SIGLEC1: variants seen among roughly 807,000 people sequenced by gnomAD.
SIGLEC1 encodes sialic acid binding Ig like lectin 1, also known as sialoadhesin.
SIGLEC1 carries 132 observed loss-of-function variants against 148.0 expected under a neutral mutation model. That is an observed-to-expected ratio of 0.89 (90% CI 0.77 to 1.03). The LOEUF (loss-of-function observed/expected upper bound fraction) is 1.03. Among genes scored for constraint, SIGLEC1 ranks in the 50% least tolerant of loss-of-function variants. SIGLEC1 has a pLI of 0.00. For synonymous variants in SIGLEC1, 945 were observed against 969.0 expected, an observed-to-expected ratio of 0.98 and a Z score of 0.46; for missense variants, 2,253 against 2,271.4, an observed-to-expected ratio of 0.99 and a Z score of 0.16.
In SIGLEC1 at chr20:3,694,410, G is replaced by T; in HGVS notation, c.3067C>A (p.Leu1023Ile). The change falls in exon 13 of 22, where the codon CTT becomes ATT. Residue 1023 changes from leucine to isoleucine, a missense_variant. Coordinates refer to ENST00000344754, the MANE Select transcript of SIGLEC1 (RefSeq NM_023068.4). The stretch of plus-strand genomic sequence containing the variant: ...ACACCTTGTAGGGTGGAGGCCACAA[G>T]GCGATCCCCGTGGAGCAGCCGCAGC... ...AQLRLLHGDR[L>I]VASTLQGVGG... 1 of 1,612,910 alleles carries T rather than the reference G, an allele frequency of 6.2e-7. No individual in the cohort carries two copies. Among genetic ancestry groups the T allele is most frequent in the Non-Finnish European group, 8.5e-7 (1 of 1,179,632 alleles).
rs749070024 is a variant in SIGLEC1, at chr20:3,701,349, A to G, written c.1521T>C (p.His507=). 6.2e-7 allele frequency: 1 copy of G among 1,607,778 alleles called. No individual in the cohort carries two copies. The part of the protein sequence containing the change: ...LGNATSTLDF[H]ANAARLLISP... ...TGCCAGTGCCCATCTTACCATTGGC[A>G]TGGAAGTCCAGGGTGGAGGTTGCAT... The change falls in exon 7 of 22, where the codon CAT becomes CAC. Residue 507 remains histidine (H), a synonymous_variant. Coordinates refer to ENST00000344754, the MANE Select transcript of SIGLEC1 (RefSeq NM_023068.4).
intron 21 of SIGLEC1, 24 bp from the exon 22 acceptor site, chr20:3,688,643 C>A: frequency 1.3e-6 from 2 of 1,564,960 alleles, no homozygotes; most frequent in South Asian, 2.4e-5. Flanking sequence ...AAACCCTGGT[C>A]ACAGGAGGCC....
chr20:3,692,199 G>A lies in SIGLEC1; in HGVS notation c.4034C>T (p.Ala1345Val). The A allele has an allele frequency of 6.5e-7, 1 of 1,539,436 alleles. No homozygotes were observed. The highest frequency in any genetic ancestry group is 8.7e-7 in the Non-Finnish European group (1 of 1,143,622). Residue 1345 changes from alanine to valine, a missense_variant, in exon 17 of 22, where the codon GCC (alanine) becomes GTC (valine). Ala to Val is a moderately conservative substitution (Grantham distance 64, BLOSUM62 0). Transcript: ENST00000344754. ...SRPAALQVLY[A>V]PQDAVLSSFR... ...GGAGGACAGGACAGCGTCCTGAGGGGCATCTGTGGGCAGGCAGGGCACAGA... is the reference window on the plus strand; with the variant it reads ...GGAGGACAGGACAGCGTCCTGAGGGACATCTGTGGGCAGGCAGGGCACAGA...
At position 3,701,640 on chromosome 20, in the gene SIGLEC1, G is replaced by T. The variant is rs780228833; in HGVS notation, c.1230C>A (p.His410Gln). The T allele has an allele frequency of 6.4e-7, 1 of 1,557,028 alleles. No individual in the cohort carries two copies. Among genetic ancestry groups the T allele is most frequent in the South Asian group, 1.2e-5 (1 of 82,172 alleles). ...RSGPVSVVVN[H>Q]PPLTPVLTAF... ...CTGTCAGGACTGGAGTGAGAGGCGG[G>T]TCTGTGTGGAGACGAGAGGTGGGCC... The change falls in exon 7 of 22, where the codon CAC becomes CAA. Residue 410 changes from histidine to glutamine, a missense_variant and splice_region_variant. By Grantham distance (24) the His-to-Gln change is conservative. Coordinates refer to ENST00000344754, the MANE Select transcript of SIGLEC1 (RefSeq NM_023068.4).
Position 3,704,010 on chromosome 20 carries a change from T to C in SIGLEC1, c.788A>G (p.Gln263Arg), listed in dbSNP as rs200776920. ...LPGELVTLTC[Q>R]VNSSYPAVSS... ...GACTGCAGGGTAGCTGCTGTTCACCTGGCAGGTGAGTGTGACCAGCTCACC... is the reference window on the plus strand; with the variant it reads ...GACTGCAGGGTAGCTGCTGTTCACCCGGCAGGTGAGTGTGACCAGCTCACC... The change falls in exon 5 of 22, where the codon CAG (glutamine) becomes CGG (arginine). Residue 263 changes from glutamine (Q) to arginine (R), a missense_variant. By Grantham distance (43) the Gln-to-Arg change is conservative. Transcript: ENST00000344754. 1.4e-4 allele frequency: 220 copies of C among 1,613,304 alleles called. 1 individual carries two copies. In the Middle Eastern group the frequency reaches 2.5e-3, roughly 18 times the overall value.
Position 3,693,663 on chromosome 20 carries a change from G to A in SIGLEC1, c.3292C>T (p.Arg1098Trp), listed in dbSNP as rs767323720. 27 of 1,605,184 alleles carry A rather than the reference G, an allele frequency of 1.7e-5. No homozygotes were observed. The highest frequency in any genetic ancestry group is 9.4e-5 in the African/African-American group (7 of 74,834). ...NVQVWPGATV[R>W]EGQLVNLTCL... ...GTCAGGTTCACCAGCTGCCCCTCCC[G>A]CACGGTAGCCCCGGGCCACACCTGC... Residue 1098 changes from arginine to tryptophan, a missense_variant, in exon 14 of 22, where the codon CGG (arginine) becomes TGG (tryptophan). Arg to Trp is a moderately radical substitution (Grantham distance 101). Coordinates refer to ENST00000344754, the MANE Select transcript of SIGLEC1 (RefSeq NM_023068.4).
rs759516623 is a variant in SIGLEC1, at chr20:3,705,936, T to C, written c.514A>G (p.Arg172Gly). 2 of 1,614,142 alleles carry C rather than the reference T, an allele frequency of 1.2e-6. No individual in the cohort carries two copies. Among genetic ancestry groups the C allele is most frequent in the African/African-American group, 2.7e-5 (2 of 75,074 alleles). The change falls in exon 4 of 22, where the codon AGA becomes GGA. Residue 172 changes from arginine to glycine, a missense_variant. Physicochemically the swap from Arg to Gly is moderately radical, Grantham distance 125. Coordinates refer to ENST00000344754, the MANE Select transcript of SIGLEC1 (RefSeq NM_023068.4). ...GGGTCCTGGCCTTGCCACTGCAGTCTGACCTGCTCCTGCAGGCATACGTAG... is the reference window on the plus strand; with the variant it reads ...GGGTCCTGGCCTTGCCACTGCAGTCCGACCTGCTCCTGCAGGCATACGTAG... ...TPYVCLQEQVRLQWQGQDPAR... is the reference protein window; with the variant it reads ...TPYVCLQEQVGLQWQGQDPAR...
At position 3,697,457 on chromosome 20, in the gene SIGLEC1, G is replaced by A. The variant is rs1042353230; in HGVS notation, c.2123-115C>T. 5.2e-6 allele frequency: 7 copies of A among 1,338,152 alleles called. No individual in the cohort carries two copies. In the African/African-American group the frequency reaches 1.0e-4, roughly 19 times the overall value. 82.9% of individuals were successfully genotyped at this position (1,338,152 alleles called of 1,614,324 possible). A position where few individuals can be genotyped will look rare whatever the true frequency, so the allele number is the denominator to read the frequency against. ...GCCCCCTGGGGTGCCCACAGGGTTG[G>A]GGAGAAAAGCAAGCTAGCTCACAGG... On this transcript the variant is annotated intron_variant, in intron 9 of 21. Coordinates refer to ENST00000344754, the MANE Select transcript of SIGLEC1 (RefSeq NM_023068.4).
chr20:3,701,731 G>C, intron 6 of SIGLEC1, 90 bp from the exon 7 acceptor site: 2 of 1,247,800 alleles, frequency 1.6e-6, no homozygotes, highest in Admixed American at 2.9e-5. Context: ...GCACCGCTTT[G>C]TCCCACACTG....
rs150623674 is a variant in SIGLEC1 at position 3,706,669 on chromosome 20, C to A, written c.87G>T (p.Val29=). The change falls in exon 3 of 22, where the codon GTG becomes GTT. Residue 29 remains valine (V), a synonymous_variant. Transcript: ENST00000344754. ...ASWGVSSPQD[V]QGVKGSCLLI... ...GCAGGCAAGACCCCTTCACACCCTG[C>A]ACGTCCTGGGGACTGGAGACGCCCC... The A allele has an allele frequency of 3.1e-4, 478 of 1,559,436 alleles. No individual in the cohort carries two copies. In the Middle Eastern group the frequency reaches 3.5e-3, roughly 11 times the overall value.
rs200167013 is a variant in SIGLEC1, at chr20:3,699,459, G to C, written c.1529C>G (p.Ala510Gly). The C allele has an allele frequency of 1.2e-6, 2 of 1,606,776 alleles. No individual in the cohort carries two copies. The highest frequency in any genetic ancestry group is 3.4e-5 in the Admixed American group (2 of 59,082). ...TGCCGGGCTGATGAGGAGACGGGCG[G>C]CTGCGGGGAGAGGAAGAGGCTGGGA... ...ATSTLDFHAN[A>G]ARLLISPAAE... Residue 510 changes from alanine to glycine, a missense_variant and splice_region_variant, in exon 8 of 22, where the codon GCC (alanine) becomes GGC (glycine). Physicochemically the swap from Ala to Gly is moderately conservative, Grantham distance 60 (BLOSUM62 0). Transcript: ENST00000344754.
At position 3,694,349 on chromosome 20, in the gene SIGLEC1, A is replaced by T; in HGVS notation, c.3128T>A (p.Val1043Glu). ...ACGCAGTGTGTTGGGGGCCACAGCC[A>T]CATGCAGCCTGGGAGAGCTGCCTTC... ...GPEGSSPRLH[V>E]AVAPNTLRLE... Residue 1043 changes from valine to glutamate, a missense_variant, in exon 13 of 22, where the codon GTG becomes GAG. Val to Glu is a moderately radical substitution (Grantham distance 121). Coordinates refer to ENST00000344754, the MANE Select transcript of SIGLEC1 (RefSeq NM_023068.4). 1 of 1,613,296 alleles carries T rather than the reference A, an allele frequency of 6.2e-7. No individual in the cohort carries two copies. The highest frequency in any genetic ancestry group is 8.5e-7 in the Non-Finnish European group (1 of 1,179,992).
In SIGLEC1 at chr20:3,692,679, A is replaced by G; in HGVS notation, c.3872T>C (p.Leu1291Pro). ...ACGACCGTTGTGGTACCAAGTATAG[A>G]GTGTGGGTGCGTGGGCAGCAGGGTC... The part of the protein sequence containing the change: ...CADPAAHAPT[L>P]YTWYHNGRWL... The change falls in exon 16 of 22, where the codon CTC becomes CCC. Residue 1291 changes from leucine (L) to proline (P), a missense_variant. Physicochemically the swap from Leu to Pro is moderately conservative, Grantham distance 98. Transcript: ENST00000344754. The G allele has an allele frequency of 6.2e-7, 1 of 1,613,086 alleles. No individual in the cohort carries two copies. The highest frequency in any genetic ancestry group is 1.1e-5 in the South Asian group (1 of 91,090).
chr20:3,703,901 A>ACCCCGGCTAATTTTTGTATTTTTAG lies in SIGLEC1; in HGVS notation c.896_897insCTAAAAATACAAAAATTAGCCGGGG (p.Ala300Ter). 6.2e-7 allele frequency: 1 copy of ACCCCGGCTAATTTTTGTATTTTTAG among 1,614,068 alleles called. No homozygotes were observed. Among genetic ancestry groups the ACCCCGGCTAATTTTTGTATTTTTAG allele is most frequent in the Admixed American group, 1.7e-5 (1 of 60,012 alleles). ...CAGCTTGGCAGGTGTAGACGCCAGC[A>ACCCCGGCTAATTTTTGTATTTTTAG]TCGCTCCAGGCTGCCTGGGGCAGGT... On this transcript the variant is annotated stop_gained and frameshift_variant, in exon 5 of 22. Coordinates refer to ENST00000344754, the MANE Select transcript of SIGLEC1 (RefSeq NM_023068.4). LOFTEE classifies it high-confidence loss of function.
intron 14 of SIGLEC1, 77 bp downstream of exon 14, chr20:3,693,370 C>A: frequency 6.8e-7 from 1 of 1,466,990 alleles, no homozygotes; most frequent in Non-Finnish European, 9.1e-7. Context: ...GGACACCTGT[C>A]GGGTTCCGGC....
At chr20:3,698,337 C>T (rs2087822766) in intron 8 of SIGLEC1, among the ~76,000 whole-genome samples, 1 of 152,234 alleles carries the variant, frequency 6.6e-6, no homozygotes, top group Admixed American at 6.5e-5. Context: ...TAAGCTGTGC[C>T]CTGATGCCTA....
chr20:3,694,566 A>AG (rs776323844), intron 12 of SIGLEC1, 34 bp from the exon 13 acceptor site: 9 of 1,556,074 alleles, frequency 5.8e-6, no homozygotes, highest in South Asian at 2.5e-5. Flanking sequence ...GGACCCAGCC[A>AG]GGGGGGTCCC....
Position 3,694,249 on chromosome 20 carries a change from G to A in SIGLEC1, c.3228C>T (p.Ala1076=). The part of the protein sequence containing the change: ...ICEASNTLGQ[A]SASADFDAQA... The stretch of plus-strand genomic sequence containing the variant: ...GAGCGTCGAAGTCAGCTGAGGCCGA[G>A]GCCTGGCCCAGGGTGTTGGAGGCCT... Residue 1076 remains alanine, a synonymous_variant, in exon 13 of 22, where the codon GCC becomes GCT. Coordinates refer to ENST00000344754, the MANE Select transcript of SIGLEC1 (RefSeq NM_023068.4). 4 of 1,612,038 alleles carry A rather than the reference G, an allele frequency of 2.5e-6. No individual in the cohort carries two copies. The highest frequency in any genetic ancestry group is 3.4e-6 in the Non-Finnish European group (4 of 1,179,514).
chr20:3,690,309 A>G, intron 18 of SIGLEC1, 45 bp from the exon 19 acceptor site: 4 of 1,467,846 alleles, frequency 2.7e-6, no homozygotes, highest in Non-Finnish European at 3.6e-6. Context: ...AATGACCACA[A>G]ATTTCTCCCT....
Sources: gnomAD v4.1 joint callset for allele counts (sites outside exome capture counted in the v4.1 genomes callset) on GRCh38, gnomAD v4.1.1 for gene constraint, MANE v1.5 for transcripts, NCBI Gene and HGNC (gene_info 2026-07-23, HGNC 2026-07-21) for gene names.